Variants in KDM3B observed in about 807,000 individuals in gnomAD.
KDM3B encodes lysine demethylase 3B, also known as lysine-specific demethylase 3B.
Under a neutral mutation model 170.0 loss-of-function variants are expected in KDM3B, and 10 were observed. That is an observed-to-expected ratio of 0.06 (90% CI 0.04 to 0.10). KDM3B has a LOEUF of 0.10. Ranked by LOEUF, KDM3B falls within the 10% of genes least tolerant of loss-of-function variation. KDM3B has a pLI of 1.00. For synonymous variants in KDM3B, 831 were observed against 834.8 expected (o/e 1.00, Z 0.08); for missense variants, 1,394 against 2,195.2 (o/e 0.64, Z 7.29).
intron 11 of KDM3B, among the ~76,000 whole-genome samples, chr5:138,403,615 T>G (rs1762742734): frequency 6.7e-6 from 1 of 150,366 alleles, no homozygotes; most frequent in Non-Finnish European, 1.5e-5. Flanking sequence ...AGGCAGAGCT[T>G]GCAGTGAGCC....
At chr5:138,367,081 A>G (rs76927575) in intron 1 of KDM3B, among the ~76,000 whole-genome samples, 1,962 of 152,276 alleles carry the variant, frequency 0.013, 41 homozygotes, top group African/African-American at 0.044. Flanking sequence ...CAGTTTGTAT[A>G]CTACTACCTC....
intron 1 of KDM3B, among the ~76,000 whole-genome samples, chr5:138,360,149 T>G (rs1397689983): frequency 6.6e-6 from 1 of 152,222 alleles, no homozygotes; most frequent in Non-Finnish European, 1.5e-5. Flanking sequence ...TACAATTCGC[T>G]ACCTATGGTC....
chr5:138,425,963 A>C (rs1763380925), intron 17 of KDM3B: 1 of 160,720 alleles, frequency 6.2e-6, no homozygotes, highest in Admixed American at 6.0e-5. Flanking sequence ...CCAAGATGGC[A>C]CCACTGCTCT....
chr5:138,399,088 C>T (rs1762616462), intron 10 of KDM3B, among the ~76,000 whole-genome samples: 1 of 151,194 alleles, frequency 6.6e-6, no homozygotes, highest in Non-Finnish European at 1.5e-5. Flanking sequence ...CAGCGTTTCG[C>T]CGTGTTAGCC....
Position 138,391,247 on chromosome 5 carries a change from T to A in KDM3B, c.1615T>A (p.Tyr539Asn). ...GTCCCAAACTTTACCTACCAGTAAC[T>A]ACTTCACTACTGTTTCAGAGAGTTT... The part of the protein sequence containing the change: ...CMSQTLPTSN[Y>N]FTTVSESLAD... The change falls in exon 8 of 24, where the codon TAC becomes AAC. Residue 539 changes from tyrosine to asparagine, a missense_variant. By Grantham distance (143) the Tyr-to-Asn change is moderately radical (BLOSUM62 -2). This residue lies in a region of KDM3B where 294 missense variants were observed against 311.7 expected (regional missense o/e 0.94). Transcript: ENST00000314358. The surrounding 1 kb of genome is among the most constrained non-coding windows in gnomAD (Gnocchi z 5.0). The A allele has an allele frequency of 6.2e-7, 1 of 1,614,196 alleles. No homozygotes were observed. The highest frequency in any genetic ancestry group is 1.1e-5 in the South Asian group (1 of 91,082).
intron 2 of KDM3B, among the ~76,000 whole-genome samples, chr5:138,373,065 G>A (rs552280075): frequency 7.9e-5 from 12 of 152,168 alleles, no homozygotes; most frequent in Admixed American, 2.0e-4. Flanking sequence ...TTGGCCAGAC[G>A]CGGTGGCTCA....
intron 16 of KDM3B, among the ~76,000 whole-genome samples, chr5:138,424,620 T>G (rs1390236794): frequency 2.6e-5 from 4 of 151,756 alleles, no homozygotes; most frequent in African/African-American, 9.7e-5. Context: ...CTACTAAAAA[T>G]ACAAAAAAAA....
chr5:138,383,821 G>C (rs752373008), intron 6 of KDM3B, among the ~76,000 whole-genome samples: 6 of 152,154 alleles, frequency 3.9e-5, no homozygotes, highest in Non-Finnish European at 5.9e-5. Flanking sequence ...GTAGTGGCGG[G>C]CACCTGTAAT....
intron 9 of KDM3B, among the ~76,000 whole-genome samples, chr5:138,397,694 C>T (rs1284618027): frequency 6.6e-6 from 1 of 151,808 alleles, no homozygotes; most frequent in Non-Finnish European, 1.5e-5. Context: ...AACCCTGTCT[C>T]TACTAAAAAT....
chr5:138,367,574 C>T (rs1166545339), intron 1 of KDM3B, among the ~76,000 whole-genome samples: 2 of 152,124 alleles, frequency 1.3e-5, no homozygotes, highest in Non-Finnish European at 2.9e-5. Flanking sequence ...CTTTTCTTAA[C>T]TAATAAAATA....
intron 22 of KDM3B, among the ~76,000 whole-genome samples, chr5:138,431,046 A>G (rs190574658): frequency 1.5e-4 from 23 of 152,310 alleles, no homozygotes; most frequent in Admixed American, 1.4e-3. Flanking sequence ...AGTTTGGTGT[A>G]TATTTTTCCA....
At chr5:138,398,107 G>T in intron 9 of KDM3B, 71 bp from the exon 10 acceptor site, 1 of 1,176,906 alleles carries the variant, frequency 8.5e-7, no homozygotes, top group Non-Finnish European at 1.2e-6. Flanking sequence ...TTCTGTTTAG[G>T]TCCCAGGAGT....
intron 1 of KDM3B, among the ~76,000 whole-genome samples, chr5:138,359,781 C>T (rs1388175625): frequency 6.6e-6 from 1 of 152,086 alleles, no homozygotes; most frequent in East Asian, 1.9e-4. Flanking sequence ...TCATAGTTAT[C>T]TCATGTATCC....
chr5:138,419,678 TATATATATATAC>T (rs1249786591), intron 14 of KDM3B, among the ~76,000 whole-genome samples: 3 of 133,158 alleles, frequency 2.3e-5, no homozygotes, highest in South Asian at 2.3e-4. Context: ...AATATATATA[TATATATATATAC>T]ATATATATAT....
At position 138,388,014 on chromosome 5, in the gene KDM3B, G is replaced by C. The variant is rs973561950; in HGVS notation, c.1380+1393G>C. Among the ~76,000 whole-genome samples, 109 of 152,170 alleles carry C rather than the reference G, an allele frequency of 7.2e-4. 1 individual carries two copies. The highest frequency in any genetic ancestry group is 2.9e-4 in the Non-Finnish European group (20 of 68,002). On this transcript the variant is annotated intron_variant, in intron 7 of 23. Transcript: ENST00000314358. ...GAGGATGGCGTGAACCTGGGAGGTG[G>C]AGCTTGCAGTGAGCCGAGATTGTGC... is the stretch of plus-strand genomic sequence containing the variant.
At position 138,372,665 on chromosome 5, in the gene KDM3B, C is replaced by T; in HGVS notation, c.193-9C>T. The T allele has an allele frequency of 6.2e-7, 1 of 1,606,758 alleles. No individual in the cohort carries two copies. The highest frequency in any genetic ancestry group is 8.5e-7 in the Non-Finnish European group (1 of 1,175,556). ...GTGTGACTTCCAAACTGCTTTTTAT[C>T]TCTTGCAGATCTTTGTAGAATTTGA... On this transcript the variant is annotated splice_polypyrimidine_tract_variant and intron_variant, in intron 1 of 23. Coordinates refer to ENST00000314358, the MANE Select transcript of KDM3B (RefSeq NM_016604.4).
At chr5:138,358,918 T>C (rs1463268765) in intron 1 of KDM3B, among the ~76,000 whole-genome samples, 3 of 151,406 alleles carry the variant, frequency 2.0e-5, no homozygotes, top group African/African-American at 7.3e-5. Context: ...GCATTAGGTA[T>C]ATCTCCTAAA....
At chr5:138,397,133 A>G (rs867777209) in intron 9 of KDM3B, among the ~76,000 whole-genome samples, 1 of 151,938 alleles carries the variant, frequency 6.6e-6, no homozygotes, top group Non-Finnish European at 1.5e-5. Flanking sequence ...GATCGAGACC[A>G]TCCTGGCTTA....
At position 138,427,063 on chromosome 5, in the gene KDM3B, C is replaced by T. The variant is rs1580957273; in HGVS notation, c.4500C>T (p.Thr1500=). ...PGEDFRDMMP[T]RFEDLMENLP... ...AAGATTTTCGAGACATGATGCCAAC[C>T]AGGTTAGTGACCTGCAGTGGTGTCA... Residue 1500 remains threonine (T), a splice_region_variant and synonymous_variant, in exon 18 of 24, where the codon ACC becomes ACT. Coordinates refer to ENST00000314358, the MANE Select transcript of KDM3B (RefSeq NM_016604.4). The T allele has an allele frequency of 1.9e-6, 3 of 1,613,696 alleles. No individual in the cohort carries two copies. Among genetic ancestry groups the T allele is most frequent in the East Asian group, 4.5e-5 (2 of 44,884 alleles).
Sources: allele counts gnomAD v4.1 joint callset (sites outside exome capture counted in the v4.1 genomes callset), GRCh38; gene constraint gnomAD v4.1.1; regional missense constraint gnomAD v4.1.1; non-coding constraint Gnocchi (gnomAD v3.1); transcripts MANE v1.5; gene names NCBI Gene and HGNC (gene_info 2026-07-23, HGNC 2026-07-21).